Variants in TXNDC5 observed in about 807,000 individuals in gnomAD.
TXNDC5 encodes thioredoxin domain-containing protein 5.
A neutral mutation model predicts 52.6 loss-of-function variants in TXNDC5; 44 were observed. That is an observed-to-expected ratio of 0.84 (90% CI 0.66 to 1.08). TXNDC5 has a LOEUF of 1.08. Among genes scored for constraint, TXNDC5 ranks in the 50% least tolerant of loss-of-function variants. TXNDC5 has a pLI of 0.00. For synonymous variants in TXNDC5, 241 were observed against 234.4 expected (o/e 1.03, Z -0.26); for missense variants, 600 against 565.5 (o/e 1.06, Z -0.62).
chr6:7,894,683 A>T (rs1760306466), intron 4 of TXNDC5: 1 of 961,288 alleles, frequency 1.0e-6, no homozygotes, highest in Admixed American at 6.2e-5. Flanking sequence ...AGATGCTGAC[A>T]GAGGGATACA....
intron 3 of TXNDC5, among the ~76,000 whole-genome samples, chr6:7,899,186 C>T (rs1282580530): frequency 6.6e-6 from 1 of 152,186 alleles, no homozygotes; most frequent in Non-Finnish European, 1.5e-5. Context: ...ACTGTATTAC[C>T]TGTGACAGTG....
Position 7,888,255 on chromosome 6 carries a change from G to A in TXNDC5, c.963+450C>T, listed in dbSNP as rs577020555. Among the ~76,000 whole-genome samples, 15 of 152,280 alleles carry A rather than the reference G, an allele frequency of 9.9e-5. No homozygotes were observed. The South Asian group carries it at 1.0e-3, about 11-fold the overall frequency. On this transcript the variant is annotated intron_variant, in intron 7 of 9. Transcript: ENST00000379757. ...CTACAGTCACTGGCCTGATCGCTGC[G>A]GATGCCCTCTTGGCTACAGGTCTTC...
Position 7,889,239 on chromosome 6 carries a change from G to T in TXNDC5, c.819+256C>A, listed in dbSNP as rs1313150777. The T allele has an allele frequency of 8.2e-6, 4 of 485,538 alleles. No individual in the cohort carries two copies. The East Asian group carries it at 1.3e-4, about 16-fold the overall frequency. 30.1% of individuals were successfully genotyped at this position (485,538 alleles called of 1,614,324 possible). ...CTGAAGGTTTGTGTTTACAACCAGA[G>T]CACAGTTACCCTGTGACTGTAAGAT... On this transcript the variant is annotated intron_variant, in intron 6 of 9. Coordinates refer to ENST00000379757, the MANE Select transcript of TXNDC5 (RefSeq NM_030810.5).
At chr6:7,897,854 T>C (rs1406329349) in intron 3 of TXNDC5, among the ~76,000 whole-genome samples, 1 of 152,226 alleles carries the variant, frequency 6.6e-6, no homozygotes, top group African/African-American at 2.4e-5. Context: ...CCATCCAATA[T>C]ATGTGTCCCC....
intron 5 of TXNDC5, among the ~76,000 whole-genome samples, 167 bp from the exon 6 acceptor site, chr6:7,889,748 T>C (rs560342236): frequency 6.6e-6 from 1 of 152,352 alleles, no homozygotes; most frequent in South Asian, 2.1e-4. Context: ...CTGAAAGCTA[T>C]GCTAAAACAT....
chr6:7,899,164 G>A (rs1403091548), intron 3 of TXNDC5, among the ~76,000 whole-genome samples: 1 of 152,170 alleles, frequency 6.6e-6, no homozygotes, highest in African/African-American at 2.4e-5. Flanking sequence ...TGATGCTGGG[G>A]TACAGTTGTG....
intron 6 of TXNDC5, 33 bp from the exon 7 acceptor site, chr6:7,888,881 T>A: frequency 6.4e-7 from 1 of 1,569,836 alleles, no homozygotes; most frequent in Non-Finnish European, 8.7e-7. Flanking sequence ...GCTGAGTGAG[T>A]CCACTGAGGT....
rs892631715 is a variant in TXNDC5, at chr6:7,895,260, C to A, written c.520-58G>T. On this transcript the variant is annotated intron_variant, in intron 3 of 9. Coordinates refer to ENST00000379757, the MANE Select transcript of TXNDC5 (RefSeq NM_030810.5). ...GTCAGTGGAGACACAGGGAAACCAT[C>A]CAGGAGGTGACTGTGTCTGTGGGGA... The A allele has an allele frequency of 4.6e-6, 7 of 1,505,962 alleles. No homozygotes were observed. The African/African-American group carries it at 8.3e-5, about 18-fold the overall frequency. The allele number at this position is 1,505,962 out of a possible 1,614,324, so 93.3% of individuals were successfully genotyped here.
intron 9 of TXNDC5, 31 bp from the exon 10 acceptor site, chr6:7,883,297 C>T (rs576767491): frequency 2.2e-5 from 35 of 1,613,428 alleles, no homozygotes; most frequent in Non-Finnish European, 2.9e-5. Flanking sequence ...AGTTTGCAAA[C>T]CAGCGGTCCA....
At chr6:7,891,219 C>T (rs1165227904) in intron 5 of TXNDC5, among the ~76,000 whole-genome samples, 1 of 152,126 alleles carries the variant, frequency 6.6e-6, no homozygotes, top group East Asian at 1.9e-4. Context: ...GAGGGAGGGT[C>T]TTCTGCGTGC....
In TXNDC5 at chr6:7,904,448, C is replaced by A. The variant is rs1020230004; in HGVS notation, c.413+126G>T. The A allele has an allele frequency of 1.1e-5, 13 of 1,227,224 alleles. No individual in the cohort carries two copies. In the Admixed American group the frequency reaches 1.6e-4, roughly 15 times the overall value. 76.0% of individuals were successfully genotyped at this position (1,227,224 alleles called of 1,614,324 possible). On this transcript the variant is annotated intron_variant, in intron 2 of 9. Transcript: ENST00000379757. ...ACAGACACAGCATTAAATGCAGTTTCTCCCTAATGACAGGGACTGCCTGCT... is the reference window on the plus strand; with the variant it reads ...ACAGACACAGCATTAAATGCAGTTTATCCCTAATGACAGGGACTGCCTGCT...
intron 2 of TXNDC5, among the ~76,000 whole-genome samples, chr6:7,904,251 C>T (rs1041395121): frequency 6.6e-6 from 1 of 152,118 alleles, no homozygotes; most frequent in African/African-American, 2.4e-5. Flanking sequence ...GAATAAGTCA[C>T]CAGCAAAAGC....
At chr6:7,885,297 T>C (rs1236582811) in intron 8 of TXNDC5, among the ~76,000 whole-genome samples, 1 of 152,216 alleles carries the variant, frequency 6.6e-6, no homozygotes, top group African/African-American at 2.4e-5. Flanking sequence ...GATTGTTTTA[T>C]TTGTGAAGAC....
chr6:7,889,700 A>G, intron 5 of TXNDC5, 119 bp from the exon 6 acceptor site: 2 of 732,252 alleles, frequency 2.7e-6, no homozygotes, highest in East Asian at 2.8e-5. Context: ...TTCTGTAGCA[A>G]CTCTGCCAGC....
Position 7,891,666 on chromosome 6 carries a change from C to G in TXNDC5, c.687G>C (p.Gln229His), listed in dbSNP as rs773299751. 6.2e-7 allele frequency: 1 copy of G among 1,613,986 alleles called. No homozygotes were observed. Among genetic ancestry groups the G allele is most frequent in the Admixed American group, 1.7e-5 (1 of 60,016 alleles). The change falls in exon 5 of 10, where the codon CAG becomes CAC. Residue 229 changes from glutamine (Q) to histidine (H), a missense_variant. Gln to His is a conservative substitution (Grantham distance 24, BLOSUM62 0). Coordinates refer to ENST00000379757, the MANE Select transcript of TXNDC5 (RefSeq NM_030810.5). Reference sequence around the variant, plus strand: ...CGGAATGTTCAAGGCCCAGAGCCAGCTGCTCCCAGGTTGGAGCCAGGGCTT... The same window carrying G: ...CGGAATGTTCAAGGCCCAGAGCCAGGTGCTCCCAGGTTGGAGCCAGGGCTT... Reference protein sequence around the residue: ...HCKALAPTWEQLALGLEHSET... With the variant: ...HCKALAPTWEHLALGLEHSET...
rs1581302929 is a variant in TXNDC5, at chr6:7,883,200, T to C, written c.1243A>G (p.Arg415Gly). The change falls in exon 10 of 10, where the codon AGA becomes GGA. Residue 415 changes from arginine (R) to glycine (G), a missense_variant. Physicochemically the swap from Arg to Gly is moderately radical, Grantham distance 125. Transcript: ENST00000379757. ...GKKVSEHSGGRDLDSLHRFVL... is the reference protein window; with the variant it reads ...GKKVSEHSGGGDLDSLHRFVL... ...AAGCGGTGTAACGAGTCAAGGTCTC[T>C]GCCTCCACTGTGCTCACTGACTTTC... The C allele has an allele frequency of 6.2e-7, 1 of 1,614,242 alleles. No homozygotes were observed. The highest frequency in any genetic ancestry group is 8.5e-7 in the Non-Finnish European group (1 of 1,180,044).
intron 4 of TXNDC5, chr6:7,894,775 G>A (rs1273732427): frequency 3.0e-6 from 3 of 985,320 alleles, no homozygotes; most frequent in African/African-American, 1.7e-5. Context: ...AAAAAATGCA[G>A]TATCTCCAAA....
At chr6:7,886,127 C>T in intron 7 of TXNDC5, 84 bp from the exon 8 acceptor site, 1 of 1,239,054 alleles carries the variant, frequency 8.1e-7, no homozygotes, top group Non-Finnish European at 1.2e-6. Context: ...ATACACGAAT[C>T]AGTAATTTTT....
chr6:7,883,281 G>T lies in TXNDC5; in HGVS notation c.1177-15C>A, dbSNP rs1759835198. ...TAGCCTCGTACCTTAAAACAAAAAA[G>T]AAAAAAGTTTGCAAACCAGCGGTCC... On this transcript the variant is annotated splice_polypyrimidine_tract_variant and intron_variant, in intron 9 of 9. Transcript: ENST00000379757. 1.2e-6 allele frequency: 2 copies of T among 1,613,384 alleles called. No individual in the cohort carries two copies. The highest frequency in any genetic ancestry group is 1.7e-6 in the Non-Finnish European group (2 of 1,179,880).
Sources: gnomAD v4.1 joint callset for allele counts (sites outside exome capture counted in the v4.1 genomes callset) on GRCh38, gnomAD v4.1.1 for gene constraint, MANE v1.5 for transcripts, NCBI Gene and HGNC (gene_info 2026-07-23, HGNC 2026-07-21) for gene names.